PLCE1: variants seen among roughly 807,000 people sequenced by gnomAD.
PLCE1 encodes the protein phospholipase C epsilon 1, also known as 1-phosphatidylinositol 4,5-bisphosphate phosphodiesterase epsilon-1.
In PLCE1, 119 loss-of-function variants were observed where a neutral mutation model predicts 242.8. That is an observed-to-expected ratio of 0.49 (90% CI 0.42 to 0.57). The LOEUF (loss-of-function observed/expected upper bound fraction) is 0.57. Ranked by LOEUF, PLCE1 falls within the 20% of genes least tolerant of loss-of-function variation. PLCE1 has a pLI of 0.00. For missense variants in PLCE1, 2,441 were observed against 2,788.8 expected (o/e 0.88, Z 2.81); for synonymous variants, 945 against 1,017.4 (o/e 0.93, Z 1.35).
rs188285208 is a variant in PLCE1, at chr10:94,271,346, G to A, written c.4506+744G>A. 3.8e-4 allele frequency among the ~76,000 whole-genome samples: 44 copies of A among 115,684 alleles called. 1 individual carries two copies. The East Asian group carries it at 0.01, about 27-fold the overall frequency. The allele number at this position is 115,684 out of a possible 152,430, so 75.9% of individuals were successfully genotyped here. On this transcript the variant is annotated intron_variant, in intron 18 of 32. Coordinates refer to ENST00000371380, the MANE Select transcript of PLCE1 (RefSeq NM_016341.4). The stretch of plus-strand genomic sequence containing the variant: ...TTTTTTTTTTTTGCGATGGAGTCTC[G>A]CTCTGTCACCCAGGCTGGAGTGCAG...
chr10:94,152,472 T>C (rs2047305478), intron 3 of PLCE1, among the ~76,000 whole-genome samples: 2 of 152,150 alleles, frequency 1.3e-5, no homozygotes, highest in Admixed American at 6.5e-5. Context: ...AATTATGAGT[T>C]CCCTCATAAA....
At position 94,045,828 on chromosome 10, in the gene PLCE1, C is replaced by T. The variant is rs146789288; in HGVS notation, c.1206+13576C>T. Among the ~76,000 whole-genome samples the T allele has an allele frequency of 6.6e-3, 997 of 152,162 alleles. 13 individuals carry two copies. Among genetic ancestry groups the T allele is most frequent in the African/African-American group, 0.023 (954 of 41,512 alleles). ...TAAATAACCTTGGTTGGGCCAGGCG[C>T]GGTGGCTCACGCCTGTACTCCCAGC... On this transcript the variant is annotated intron_variant, in intron 2 of 32. Coordinates refer to ENST00000371380, the MANE Select transcript of PLCE1 (RefSeq NM_016341.4).
intron 6 of PLCE1, 144 bp downstream of exon 6, chr10:94,234,456 T>C: frequency 2.2e-6 from 2 of 898,596 alleles, no homozygotes; most frequent in Non-Finnish European, 3.5e-6. Flanking sequence ...AGCACATAGA[T>C]CCTTGGAAGT....
chr10:94,101,523 A>G (rs187149012), intron 2 of PLCE1, among the ~76,000 whole-genome samples: 29 of 152,354 alleles, frequency 1.9e-4, no homozygotes, highest in African/African-American at 7.0e-4. Context: ...CAAACAAGAA[A>G]TGAATCAAAG....
In PLCE1 at chr10:94,304,525, T is replaced by C. The variant is rs745906470; in HGVS notation, c.5502T>C (p.Gly1834=). ...HLNAAMFEAN[G]GCGYVLKPPV... ...ATGCTGCAATGTTTGAGGCAAATGG[T>C]GGTTGTGGTTATGTATTGAAACCTC... is the stretch of plus-strand genomic sequence containing the variant. Residue 1834 remains glycine (G), a synonymous_variant, in exon 25 of 33, where the codon GGT becomes GGC. Transcript: ENST00000371380. 8 of 1,614,074 alleles carry C rather than the reference T, an allele frequency of 5.0e-6. No homozygotes were observed. In the South Asian group the frequency reaches 7.7e-5, roughly 16 times the overall value.
Position 94,313,259 on chromosome 10 carries a change from T to A in PLCE1, c.6009T>A (p.Phe2003Leu). The A allele has an allele frequency of 3.7e-6, 6 of 1,614,082 alleles. No homozygotes were observed. The highest frequency in any genetic ancestry group is 5.1e-6 in the Non-Finnish European group (6 of 1,179,958). ...SGNTMSASSM[F>L]NTEERKCLQT... ...CCATGTGATCTTCTTGACAGATGTT[T>A]AATACAGAAGAAAGAAAATGTTTGC... is the stretch of plus-strand genomic sequence containing the variant. The change falls in exon 28 of 33, where the codon TTT (phenylalanine) becomes TTA (leucine). Residue 2003 changes from phenylalanine (F) to leucine (L), a missense_variant. This residue lies in a region of PLCE1 where 1,004 missense variants were observed against 1,322.7 expected (regional missense o/e 0.76). Transcript: ENST00000371380.
intron 1 of PLCE1, among the ~76,000 whole-genome samples, chr10:94,022,443 G>C (rs1433344405): frequency 6.6e-6 from 1 of 151,902 alleles, no homozygotes; most frequent in African/African-American, 2.4e-5. Context: ...GTCTATGTGT[G>C]TATATGCATA....
intron 2 of PLCE1, among the ~76,000 whole-genome samples, chr10:94,069,637 C>CAAAT (rs201979772): frequency 6.6e-6 from 1 of 151,832 alleles, no homozygotes; most frequent in African/African-American, 2.4e-5. Flanking sequence ...AACAAACAAA[C>CAAAT]AAATAAACAG....
chr10:94,206,084 G>A lies in PLCE1; in HGVS notation c.1810-21222G>A, dbSNP rs191997002. 7.2e-5 allele frequency among the ~76,000 whole-genome samples: 11 copies of A among 152,290 alleles called. No individual in the cohort carries two copies. The East Asian group carries it at 1.9e-3, about 27-fold the overall frequency. Reference sequence around the variant, plus strand: ...AGCGCCAGGGAGAAAAATAAAGCAAGGCAGAGGGATGGGAAGTGTTGGGGA... The same window carrying A: ...AGCGCCAGGGAGAAAAATAAAGCAAAGCAGAGGGATGGGAAGTGTTGGGGA... On this transcript the variant is annotated intron_variant, in intron 4 of 32. Coordinates refer to ENST00000371380, the MANE Select transcript of PLCE1 (RefSeq NM_016341.4).
intron 4 of PLCE1, among the ~76,000 whole-genome samples, chr10:94,219,223 A>AGATATATTT (rs1369788982): frequency 6.6e-6 from 1 of 152,080 alleles, no homozygotes; most frequent in African/African-American, 2.4e-5. Flanking sequence ...CCTCAAGTCA[A>AGATATATTT]GATATATTTG....
Position 94,032,066 on chromosome 10 carries a change from G to A in PLCE1, c.1020G>A (p.Val340=), listed in dbSNP as rs199656152. 19 of 1,612,862 alleles carry A rather than the reference G, an allele frequency of 1.2e-5. No individual in the cohort carries two copies. The highest frequency in any genetic ancestry group is 1.6e-5 in the Non-Finnish European group (19 of 1,179,570). The part of the protein sequence containing the change: ...CKNDREVKKS[V]YTGTRAIVRT... ...ATGACAGAGAAGTTAAGAAATCTGT[G>A]TATACTGGAACAAGAGCAATTGTGA... Residue 340 remains valine (V), a synonymous_variant, in exon 2 of 33, where the codon GTG becomes GTA. Coordinates refer to ENST00000371380, the MANE Select transcript of PLCE1 (RefSeq NM_016341.4).
chr10:94,315,501 T>C (rs1048518670), intron 28 of PLCE1: 3 of 455,818 alleles, frequency 6.6e-6, no homozygotes, highest in Non-Finnish European at 1.3e-5. Context: ...TTGGTAAAAC[T>C]ATAATGCCTG....
intron 3 of PLCE1, among the ~76,000 whole-genome samples, chr10:94,154,438 A>C (rs1173534456): frequency 1.3e-5 from 2 of 152,246 alleles, no homozygotes; most frequent in African/African-American, 2.4e-5. Context: ...TACCAAAGGT[A>C]CAGGTAACAA....
chr10:94,233,469 G>C (rs2050210989), intron 5 of PLCE1, among the ~76,000 whole-genome samples: 1 of 152,092 alleles, frequency 6.6e-6, no homozygotes, highest in Admixed American at 6.5e-5. Context: ...TTCCCCTTTT[G>C]GCCATAGCTG....
intron 3 of PLCE1, chr10:94,137,995 C>T (rs1186022262): frequency 2.6e-6 from 1 of 377,892 alleles, no homozygotes; most frequent in Non-Finnish European, 5.2e-6. Context: ...TGTCTGAGTA[C>T]AGCCAGCAGG....
At chr10:94,082,742 A>G (rs1464934541) in intron 2 of PLCE1, among the ~76,000 whole-genome samples, 4 of 152,258 alleles carry the variant, frequency 2.6e-5, no homozygotes, top group African/African-American at 7.2e-5. Flanking sequence ...TTTTCCATAC[A>G]TTAGCAATGA....
At chr10:94,055,777 C>A (rs2043887938) in intron 2 of PLCE1, among the ~76,000 whole-genome samples, 1 of 152,156 alleles carries the variant, frequency 6.6e-6, no homozygotes, top group Non-Finnish European at 1.5e-5. Context: ...ATTTATGGAT[C>A]CCTTCTCAGG....
chr10:94,069,922 A>G lies in PLCE1; in HGVS notation c.1206+37670A>G, dbSNP rs1589955429. Among the ~76,000 whole-genome samples the G allele has an allele frequency of 2.6e-5, 4 of 152,298 alleles. No homozygotes were observed. The South Asian group carries it at 8.3e-4, about 32-fold the overall frequency. ...GCTCTCTGGGGGCTCCAGTTCCGTT[A>G]TTGGAAATAAAGTACCAGTTAACTC... On this transcript the variant is annotated intron_variant, in intron 2 of 32. Coordinates refer to ENST00000371380, the MANE Select transcript of PLCE1 (RefSeq NM_016341.4).
chr10:94,114,021 TG>T (rs2046038902), intron 2 of PLCE1, among the ~76,000 whole-genome samples: 1 of 152,220 alleles, frequency 6.6e-6, no homozygotes, highest in South Asian at 2.1e-4. Context: ...GTCTGTTCCC[TG>T]GGTCTTACTA....
Sources: gnomAD v4.1 joint callset for allele counts (sites outside exome capture counted in the v4.1 genomes callset) on GRCh38, gnomAD v4.1.1 for gene constraint, gnomAD v4.1.1 regional missense constraint, MANE v1.5 for transcripts, NCBI Gene and HGNC (gene_info 2026-07-23, HGNC 2026-07-21) for gene names.